The following DYNC2H1 variants were observed in gnomAD, a reference collection of about 807,000 sequenced individuals.
DYNC2H1 encodes dynein cytoplasmic 2 heavy chain 1.
A neutral mutation model predicts 570.0 loss-of-function variants in DYNC2H1; 410 were observed. The observed-to-expected ratio is 0.72, with a 90% CI of 0.66 to 0.78. The LOEUF is 0.78. Ranked by LOEUF, DYNC2H1 falls within the 30% of genes least tolerant of loss-of-function variation. The pLI, the probability that DYNC2H1 is intolerant of heterozygous loss-of-function variation, is 0.00. For missense variants in DYNC2H1, 4,865 were observed against 5,046.4 expected (o/e 0.96, Z 1.09); for synonymous variants, 1,688 against 1,677.6 (o/e 1.01, Z -0.15).
chr11:103,213,408 G>T (rs1863236146), intron 54 of DYNC2H1, among the ~76,000 whole-genome samples: 1 of 151,884 alleles, frequency 6.6e-6, no homozygotes, highest in Non-Finnish European at 1.5e-5. Flanking sequence ...TAAGTTCAGT[G>T]TTTAAACTAT....
At chr11:103,396,238 A>G (rs1480476936) in intron 83 of DYNC2H1, among the ~76,000 whole-genome samples, 1 of 152,162 alleles carries the variant, frequency 6.6e-6, no homozygotes, top group Admixed American at 6.5e-5. Flanking sequence ...AATCCCCATA[A>G]CACCTTGTAC....
At chr11:103,225,061 G>T (rs1319072565) in intron 59 of DYNC2H1, among the ~76,000 whole-genome samples, 1 of 152,028 alleles carries the variant, frequency 6.6e-6, no homozygotes, top group Non-Finnish European at 1.5e-5. Context: ...TTTGAGAATT[G>T]TCTATTCATG....
rs1862818360 is a variant in DYNC2H1, at chr11:103,203,867, AG to A, written c.8311+93del. On this transcript the variant is annotated intron_variant, in intron 51 of 88. Coordinates refer to ENST00000375735, the MANE Select transcript of DYNC2H1 (RefSeq NM_001377.3). This position sits in a 1 kb window ranked among gnomAD's most constrained non-coding sequence, Gnocchi z 4.7. ...GCCTTATTTTGTCATTAGATTGCAA[AG>A]GTATCTTAAATCTTTTTTCTGGAGC... The A allele has an allele frequency of 1.2e-6, 1 of 847,606 alleles. No homozygotes were observed. The highest frequency in any genetic ancestry group is 1.8e-6 in the Non-Finnish European group (1 of 565,468). The allele number at this position is 847,606 out of a possible 1,614,324, so 52.5% of individuals were successfully genotyped here.
In DYNC2H1 at chr11:103,231,884, CT is replaced by C. The variant is rs575691604; in HGVS notation, c.9440+539del. Among the ~76,000 whole-genome samples the C allele has an allele frequency of 5.3e-5, 8 of 151,992 alleles. No homozygotes were observed. In the East Asian group the frequency reaches 7.7e-4, roughly 15 times the overall value. On this transcript the variant is annotated intron_variant, in intron 60 of 88. Coordinates refer to ENST00000375735, the MANE Select transcript of DYNC2H1 (RefSeq NM_001377.3). ...TCTGTGTGTGTGTTTCTCTCTCCCC[CT>C]CTCTCTCTTCTTCAGTTTCTCTTTC...
At chr11:103,403,494 T>A (rs1457117265) in intron 84 of DYNC2H1, 1 of 151,996 alleles carries the variant, frequency 6.6e-6, no homozygotes, top group Non-Finnish European at 1.5e-5. Context: ...TACAGTGATA[T>A]TATAGTGTGG....
At position 103,369,997 on chromosome 11, in the gene DYNC2H1, G is replaced by A. The variant is rs529840743; in HGVS notation, c.12156+11638G>A. On this transcript the variant is annotated intron_variant, in intron 83 of 88. Transcript: ENST00000375735. This position sits in a 1 kb window ranked among gnomAD's most constrained non-coding sequence, Gnocchi z 4.0. ...AGGTAGAAGCTTGGCTACAGAGATA[G>A]GACACCAAAGAGGCTCTTGGAGCCC... Among the ~76,000 whole-genome samples the A allele has an allele frequency of 2.0e-5, 3 of 152,340 alleles. No individual in the cohort carries two copies. The South Asian group carries it at 6.2e-4, about 32-fold the overall frequency.
In DYNC2H1 at chr11:103,199,321, A is replaced by G. The variant is rs745324862; in HGVS notation, c.7933A>G (p.Ser2645Gly). Reference protein sequence around the residue: ...EYMSRIDRVLSFPGGSLLLAG... With the variant: ...EYMSRIDRVLGFPGGSLLLAG... ...TATGTCTAGGATAGATAGAGTGCTG[A>G]GTTTCCCTGGAGGTTCACTTCTATT... Residue 2645 changes from serine (S) to glycine (G), a missense_variant, in exon 49 of 89, where the codon AGT becomes GGT. Ser to Gly is a moderately conservative substitution (Grantham distance 56). This residue lies in a region of DYNC2H1 where 2,401 missense variants were observed against 2,454.6 expected (regional missense o/e 0.98). Transcript: ENST00000375735. The surrounding 1 kb of genome is among the most constrained non-coding windows in gnomAD (Gnocchi z 4.6). 5.0e-6 allele frequency: 8 copies of G among 1,611,714 alleles called. No individual in the cohort carries two copies. The South Asian group carries it at 7.7e-5, about 15-fold the overall frequency.
chr11:103,383,385 T>C (rs915778585), intron 83 of DYNC2H1, among the ~76,000 whole-genome samples: 8 of 152,222 alleles, frequency 5.3e-5, no homozygotes, highest in Non-Finnish European at 5.9e-5. Context: ...ATATGCCTTT[T>C]CATTTGCACG....
intron 83 of DYNC2H1, among the ~76,000 whole-genome samples, chr11:103,388,510 G>A (rs1941988296): frequency 6.6e-6 from 1 of 152,150 alleles, no homozygotes; most frequent in Non-Finnish European, 1.5e-5. Flanking sequence ...TCTCCTGCCT[G>A]ATTGCCCTGG....
chr11:103,390,280 T>C (rs1438099691), intron 83 of DYNC2H1, among the ~76,000 whole-genome samples: 2 of 151,622 alleles, frequency 1.3e-5, no homozygotes, highest in African/African-American at 4.9e-5. Context: ...TTGATCTTTG[T>C]TGGCTTAAAG....
At chr11:103,172,516 T>C (rs1053472435) in intron 34 of DYNC2H1, among the ~76,000 whole-genome samples, 2 of 152,142 alleles carry the variant, frequency 1.3e-5, no homozygotes, top group South Asian at 4.1e-4. Context: ...TAGATGCTTC[T>C]ACTTACTAAT....
chr11:103,229,329 G>C (rs1261438368), intron 59 of DYNC2H1, among the ~76,000 whole-genome samples: 1 of 152,162 alleles, frequency 6.6e-6, no homozygotes, highest in African/African-American at 2.4e-5. Flanking sequence ...ATGCTCCTCT[G>C]TCTGTCTGAG....
intron 82 of DYNC2H1, among the ~76,000 whole-genome samples, chr11:103,329,622 G>A (rs1938672377): frequency 6.6e-6 from 1 of 152,112 alleles, no homozygotes; most frequent in East Asian, 1.9e-4. Flanking sequence ...AGAAACTGAA[G>A]CATGTTTTTT....
At chr11:103,339,141 A>G (rs1028150117) in intron 82 of DYNC2H1, among the ~76,000 whole-genome samples, 3 of 151,952 alleles carry the variant, frequency 2.0e-5, no homozygotes, top group Admixed American at 1.3e-4. Context: ...GTTCCCAGGC[A>G]GAGTCTCTTG....
intron 75 of DYNC2H1, among the ~76,000 whole-genome samples, chr11:103,298,517 T>G (rs998771103): frequency 6.6e-6 from 1 of 152,118 alleles, no homozygotes; most frequent in Non-Finnish European, 1.5e-5. Context: ...CTCATATTAT[T>G]TATATATTCA....
At chr11:103,121,735 A>G (rs954384420) in intron 10 of DYNC2H1, among the ~76,000 whole-genome samples, 11 of 152,182 alleles carry the variant, frequency 7.2e-5, no homozygotes, top group African/African-American at 2.7e-4. Context: ...CCAAAGAAAT[A>G]CCTGTATTCA....
rs373521030 is a variant in DYNC2H1, at chr11:103,188,633, G to C, written c.7277G>C (p.Arg2426Pro). Residue 2426 changes from arginine (R) to proline (P), a missense_variant, in exon 44 of 89, where the codon CGT becomes CCT. This residue lies in a region of DYNC2H1 where 2,401 missense variants were observed against 2,454.6 expected (regional missense o/e 0.98). Transcript: ENST00000375735. ...KLTTRFTSIVRLCSIDYPERE... is the reference protein window; with the variant it reads ...KLTTRFTSIVPLCSIDYPERE... ...ACTACCAGATTTACTTCCATCGTTC[G>C]TCTTTGTTCTATAGAGTATGTATCT... 1 of 1,606,270 alleles carries C rather than the reference G, an allele frequency of 6.2e-7. No individual in the cohort carries two copies.
Position 103,444,244 on chromosome 11 carries a change from A to T in DYNC2H1, c.12456+8212A>T, listed in dbSNP as rs192486881. On this transcript the variant is annotated intron_variant, in intron 85 of 88. Coordinates refer to ENST00000375735, the MANE Select transcript of DYNC2H1 (RefSeq NM_001377.3). ...ACATAAAAATAACAATTTTTATAAT[A>T]ATTATTCTTTAAATTCTTCTCTTGC... 1.2e-4 allele frequency among the ~76,000 whole-genome samples: 18 copies of T among 152,058 alleles called. No homozygotes were observed. In the East Asian group the frequency reaches 3.5e-3, roughly 29 times the overall value.
Position 103,148,584 on chromosome 11 carries a change from A to T in DYNC2H1, c.2913A>T (p.Leu971=), listed in dbSNP as rs772150704. 1 of 1,570,176 alleles carries T rather than the reference A, an allele frequency of 6.4e-7. No homozygotes were observed. The highest frequency in any genetic ancestry group is 1.2e-5 in the South Asian group (1 of 85,284). The change falls in exon 20 of 89, where the codon CTA becomes CTT. Residue 971 remains leucine, a synonymous_variant. Coordinates refer to ENST00000375735, the MANE Select transcript of DYNC2H1 (RefSeq NM_001377.3). ...QSVEEIGDAN[L]QYSKLQERKP... is the part of the protein sequence containing the mutation. Reference sequence around the variant, plus strand: ...TGGAAGAAATTGGTGATGCAAATCTACAATATAGTAAGTTACAAGAACGGA... The same window carrying T: ...TGGAAGAAATTGGTGATGCAAATCTTCAATATAGTAAGTTACAAGAACGGA...
Sources: allele counts gnomAD v4.1 joint callset (sites outside exome capture counted in the v4.1 genomes callset), GRCh38; gene constraint gnomAD v4.1.1; regional missense constraint gnomAD v4.1.1; non-coding constraint Gnocchi (gnomAD v3.1); transcripts MANE v1.5; gene names NCBI Gene and HGNC (gene_info 2026-07-23, HGNC 2026-07-21).